The following MARCHF3 variants were observed in gnomAD, a reference collection of about 807,000 sequenced individuals.
The protein encoded by MARCHF3 is E3 ubiquitin-protein ligase MARCHF3.
Under a neutral mutation model 24.2 loss-of-function variants are expected in MARCHF3, and 13 were observed. That is an observed-to-expected ratio of 0.54 (90% confidence interval 0.35 to 0.85). The LOEUF (loss-of-function observed/expected upper bound fraction) is 0.85. Among genes scored for constraint, MARCHF3 ranks in the 40% least tolerant of loss-of-function variants. The probability of loss-of-function intolerance (pLI) is 0.01; values close to 1 mark genes in which losing one functional copy is unlikely to be tolerated. For missense variants in MARCHF3, 276 were observed against 325.0 expected, an observed-to-expected ratio of 0.85 and a Z score of 1.16; for synonymous variants, 144 against 137.3, an observed-to-expected ratio of 1.05 and a Z score of -0.34.
At chr5:127,003,934 G>T (rs1281085926) in intron 1 of MARCHF3, among the ~76,000 whole-genome samples, 1 of 152,180 alleles carries the variant, frequency 6.6e-6, no homozygotes, top group Non-Finnish European at 1.5e-5. Context: ...GCAGGGTTCT[G>T]GGAGGGGCCC....
Position 126,906,007 on chromosome 5 carries a change from TGA to T in MARCHF3, c.393+8921_393+8922del, listed in dbSNP as rs1411109723. 3.3e-5 allele frequency among the ~76,000 whole-genome samples: 5 copies of T among 151,824 alleles called. No individual in the cohort carries two copies. In the South Asian group the frequency reaches 1.0e-3, roughly 32 times the overall value. On this transcript the variant is annotated intron_variant, in intron 3 of 4. Transcript: ENST00000308660. Reference sequence around the variant, plus strand: ...TACGTCCCATCAATACCTAATTTATTGAGAGTTTTTAGCATGAAGGGTTGTTG... The same window carrying T: ...TACGTCCCATCAATACCTAATTTATTGAGTTTTTAGCATGAAGGGTTGTTG...
At chr5:127,015,037 G>A (rs1490088232) in intron 1 of MARCHF3, among the ~76,000 whole-genome samples, 1 of 152,110 alleles carries the variant, frequency 6.6e-6, no homozygotes, top group East Asian at 1.9e-4. Flanking sequence ...TAATTACCCT[G>A]ATCTGATCAC....
At chr5:126,936,176 A>G (rs974673109) in intron 1 of MARCHF3, among the ~76,000 whole-genome samples, 1 of 152,238 alleles carries the variant, frequency 6.6e-6, no homozygotes, top group Non-Finnish European at 1.5e-5. Flanking sequence ...GTATGTATCA[A>G]TAACCTTAAG....
intron 1 of MARCHF3, among the ~76,000 whole-genome samples, chr5:126,956,758 A>T (rs1024806627): frequency 1.3e-5 from 2 of 151,820 alleles, no homozygotes; most frequent in Non-Finnish European, 2.9e-5. Flanking sequence ...CCTGCATCCC[A>T]ATCCACTTTC....
chr5:127,002,100 C>T (rs972296930), intron 1 of MARCHF3, among the ~76,000 whole-genome samples: 1 of 152,028 alleles, frequency 6.6e-6, no homozygotes, highest in Non-Finnish European at 1.5e-5. Flanking sequence ...AATGACATGG[C>T]GCAAAAGGAT....
intron 1 of MARCHF3, among the ~76,000 whole-genome samples, chr5:126,965,871 G>C (rs1183771457): frequency 1.3e-5 from 2 of 152,176 alleles, no homozygotes; most frequent in African/African-American, 4.8e-5. Context: ...CCCAATACTG[G>C]TATTTGCTGA....
chr5:126,911,584 T>G (rs548020596), intron 3 of MARCHF3, among the ~76,000 whole-genome samples: 1 of 152,236 alleles, frequency 6.6e-6, no homozygotes, highest in Non-Finnish European at 1.5e-5. Flanking sequence ...CAGAAATTCA[T>G]TCACATCTGA....
chr5:126,920,869 A>C (rs1438099530), intron 1 of MARCHF3, among the ~76,000 whole-genome samples: 3 of 152,112 alleles, frequency 2.0e-5, no homozygotes, highest in Non-Finnish European at 4.4e-5. Context: ...CTTCTGCATA[A>C]TTTCATTTCT....
At chr5:126,969,646 C>T (rs1750933907) in intron 1 of MARCHF3, among the ~76,000 whole-genome samples, 1 of 152,182 alleles carries the variant, frequency 6.6e-6, no homozygotes, top group African/African-American at 2.4e-5. Context: ...GACATAACCA[C>T]AAACCATCAG....
intron 1 of MARCHF3, among the ~76,000 whole-genome samples, chr5:126,994,695 G>A (rs1369914083): frequency 6.6e-6 from 1 of 152,188 alleles, no homozygotes; most frequent in East Asian, 1.9e-4. Flanking sequence ...CAGGATATAT[G>A]TATATATGAA....
At chr5:126,923,005 C>G (rs988900898) in intron 1 of MARCHF3, among the ~76,000 whole-genome samples, 4 of 152,096 alleles carry the variant, frequency 2.6e-5, no homozygotes, top group Admixed American at 1.3e-4. Flanking sequence ...TCTCATTTTC[C>G]CTGACCCCAC....
chr5:126,976,273 C>T (rs957945947), intron 1 of MARCHF3, among the ~76,000 whole-genome samples: 1 of 152,198 alleles, frequency 6.6e-6, no homozygotes, highest in Non-Finnish European at 1.5e-5. Flanking sequence ...TTATCCACAG[C>T]CCAGTGGAGT....
chr5:127,008,227 A>T (rs1183888963), intron 1 of MARCHF3, among the ~76,000 whole-genome samples: 1 of 152,228 alleles, frequency 6.6e-6, no homozygotes, highest in African/African-American at 2.4e-5. Flanking sequence ...GACGTTTCCA[A>T]CTGAAAATGA....
At chr5:126,897,441 C>G (rs1753961343) in intron 3 of MARCHF3, among the ~76,000 whole-genome samples, 1 of 152,040 alleles carries the variant, frequency 6.6e-6, no homozygotes, top group Admixed American at 6.6e-5. Context: ...AAAAATCAAC[C>G]TAGGTTGCAA....
At chr5:126,911,617 A>C (rs1754534842) in intron 3 of MARCHF3, among the ~76,000 whole-genome samples, 1 of 152,250 alleles carries the variant, frequency 6.6e-6, no homozygotes, top group African/African-American at 2.4e-5. Context: ...ATTGCAATGT[A>C]GTGCTCTTGG....
chr5:126,960,743 C>T (rs1467342653), intron 1 of MARCHF3, among the ~76,000 whole-genome samples: 1 of 151,954 alleles, frequency 6.6e-6, no homozygotes, highest in African/African-American at 2.4e-5. Flanking sequence ...GATATTTTGC[C>T]ATTTTTATGC....
chr5:126,939,155 G>A (rs1422199745), intron 1 of MARCHF3, among the ~76,000 whole-genome samples: 1 of 152,054 alleles, frequency 6.6e-6, no homozygotes. Context: ...CTTATGCTAG[G>A]GTTGATTATA....
At chr5:126,901,510 T>C (rs532078349) in intron 3 of MARCHF3, among the ~76,000 whole-genome samples, 53 of 152,278 alleles carry the variant, frequency 3.5e-4, no homozygotes, top group Non-Finnish European at 5.9e-4. Flanking sequence ...TACTTCTCTC[T>C]GCTCACTCGT....
intron 1 of MARCHF3, among the ~76,000 whole-genome samples, chr5:126,978,056 G>A (rs1417233956): frequency 1.3e-5 from 2 of 152,254 alleles, no homozygotes; most frequent in Non-Finnish European, 2.9e-5. Flanking sequence ...TAGAGCCGAG[G>A]AAAGATGAGG....
Sources: gnomAD v4.1 joint callset for allele counts (sites outside exome capture counted in the v4.1 genomes callset) on GRCh38, gnomAD v4.1.1 for gene constraint, MANE v1.5 for transcripts, NCBI Gene and HGNC (gene_info 2026-07-23, HGNC 2026-07-21) for gene names.